Variants in TSHZ1 observed in about 807,000 individuals in gnomAD.
TSHZ1 encodes the protein teashirt zinc finger homeobox 1.
In TSHZ1, 12 loss-of-function variants were observed where a neutral mutation model predicts 67.1. The ratio of observed to expected loss-of-function variants is 0.18; its 90% CI spans 0.11 to 0.29. The LOEUF (loss-of-function observed/expected upper bound fraction) is 0.29. TSHZ1 is among the 10% of genes least tolerant of loss of function. The probability of loss-of-function intolerance (pLI) is 1.00; values close to 1 mark genes in which losing one functional copy is unlikely to be tolerated. For missense variants in TSHZ1, 1,305 were observed against 1,413.9 expected (o/e 0.92, Z 1.23); for synonymous variants, 632 against 622.4 (o/e 1.02, Z -0.23).
At chr18:75,265,905 C>T (rs2023485146) in intron 1 of TSHZ1, among the ~76,000 whole-genome samples, 1 of 152,168 alleles carries the variant, frequency 6.6e-6, no homozygotes, top group Admixed American at 6.5e-5. Flanking sequence ...TAACAATACA[C>T]CGTCTTTTTT....
chr18:75,281,712 C>A lies in TSHZ1; in HGVS notation c.41-3736C>A, dbSNP rs939340262. 6.6e-6 allele frequency among the ~76,000 whole-genome samples: 1 copy of A among 152,068 alleles called. No homozygotes were observed. The highest frequency in any genetic ancestry group is 2.4e-5 in the African/African-American group (1 of 41,402). ...GCAGCTCAGAACGGGGAGCGGGTAG[C>A]GGTCACCGAGGGTCTGGAGACGAGG... On this transcript the variant is annotated intron_variant, in intron 1 of 1. Transcript: ENST00000580243. The surrounding 1 kb of genome is among the most constrained non-coding windows in gnomAD (Gnocchi z 5.3).
intron 1 of TSHZ1, among the ~76,000 whole-genome samples, chr18:75,255,489 G>T (rs1034228092): frequency 6.6e-6 from 1 of 152,004 alleles, no homozygotes; most frequent in African/African-American, 2.4e-5. Context: ...CCCTAACATA[G>T]CTGGGGATAT....
At chr18:75,250,876 A>C (rs1380243555) in intron 1 of TSHZ1, among the ~76,000 whole-genome samples, 1 of 152,170 alleles carries the variant, frequency 6.6e-6, no homozygotes, top group African/African-American at 2.4e-5. Context: ...GCAGTTCTGC[A>C]GCCGACGAAG....
At chr18:75,252,424 T>G (rs1031777510) in intron 1 of TSHZ1, among the ~76,000 whole-genome samples, 1 of 152,256 alleles carries the variant, frequency 6.6e-6, no homozygotes, top group Admixed American at 6.5e-5. Flanking sequence ...TTCTCTGGGT[T>G]ATGGCATTTT....
intron 1 of TSHZ1, among the ~76,000 whole-genome samples, chr18:75,215,018 C>T (rs1167279037): frequency 6.6e-6 from 1 of 152,088 alleles, no homozygotes; most frequent in Non-Finnish European, 1.5e-5. Context: ...CTAATCATGT[C>T]ACCGAGACAA....
intron 1 of TSHZ1, among the ~76,000 whole-genome samples, chr18:75,219,524 A>G (rs975475740): frequency 6.6e-6 from 1 of 152,238 alleles, no homozygotes; most frequent in African/African-American, 2.4e-5. Context: ...GTGGAAGTAA[A>G]GGTTAAATCG....
chr18:75,246,224 G>A (rs1378302998), intron 1 of TSHZ1, among the ~76,000 whole-genome samples: 1 of 152,220 alleles, frequency 6.6e-6, no homozygotes, highest in Non-Finnish European at 1.5e-5. Flanking sequence ...AAATTGGCCA[G>A]ATGCATGCAC....
chr18:75,256,634 T>C (rs2023364629), intron 1 of TSHZ1, among the ~76,000 whole-genome samples: 1 of 152,228 alleles, frequency 6.6e-6, no homozygotes. Context: ...CATATAAACA[T>C]CATTATAGTG....
chr18:75,285,480 G>A lies in TSHZ1; in HGVS notation c.73G>A (p.Glu25Lys). ...TCCTGAGGAAGAATTGAAGGCAGCAGAAATAGATGAAGAGCACGTGGAGGA... is the reference window on the plus strand; with the variant it reads ...TCCTGAGGAAGAATTGAAGGCAGCAAAAATAGATGAAGAGCACGTGGAGGA... ...YVPEEELKAAEIDEEHVEDDG... is the reference protein window; with the variant it reads ...YVPEEELKAAKIDEEHVEDDG... The change falls in exon 2 of 2, where the codon GAA (glutamate) becomes AAA (lysine). Residue 25 changes from glutamate to lysine, a missense_variant. By Grantham distance (56) the Glu-to-Lys change is moderately conservative. Around this residue, in one of 3 missense-constraint regions of TSHZ1, gnomAD observed 358 missense variants for 375.6 expected, o/e 0.95. Transcript: ENST00000580243. The A allele has an allele frequency of 6.6e-7, 1 of 1,507,102 alleles. No individual in the cohort carries two copies. The highest frequency in any genetic ancestry group is 2.2e-5 in the Admixed American group (1 of 44,860). The allele number at this position is 1,507,102 out of a possible 1,614,324, so 93.4% of individuals were successfully genotyped here. A position where few individuals can be genotyped will look rare whatever the true frequency, so the allele number is the denominator to read the frequency against.
At position 75,286,830 on chromosome 18, in the gene TSHZ1, C is replaced by A. The variant is rs1330727903; in HGVS notation, c.1423C>A (p.His475Asn). 6.2e-7 allele frequency: 1 copy of A among 1,614,002 alleles called. No individual in the cohort carries two copies. Among genetic ancestry groups the A allele is most frequent in the Non-Finnish European group, 8.5e-7 (1 of 1,180,022 alleles). ...GTCCATCCCACTACCGCCCACCACC[C>A]ACACGCGGCTGCCGGCCTCCAGCAT... ...IQSIPLPPTT[H>N]TRLPASSIKK... The change falls in exon 2 of 2, where the codon CAC becomes AAC. Residue 475 changes from histidine to asparagine, a missense_variant. Physicochemically the swap from His to Asn is moderately conservative, Grantham distance 68 (BLOSUM62 1). This residue lies in a region of TSHZ1 where 909 missense variants were observed against 961.8 expected (regional missense o/e 0.95). Coordinates refer to ENST00000580243, the MANE Select transcript of TSHZ1 (RefSeq NM_001308210.2). This position sits in a 1 kb window ranked among gnomAD's most constrained non-coding sequence, Gnocchi z 5.1.
At chr18:75,243,956 T>C (rs575280183) in intron 1 of TSHZ1, among the ~76,000 whole-genome samples, 1 of 152,284 alleles carries the variant, frequency 6.6e-6, no homozygotes, top group South Asian at 2.1e-4. Context: ...TCAAACTCCA[T>C]GTAGCTTGGA....
chr18:75,270,714 G>C (rs1323525669), intron 1 of TSHZ1, among the ~76,000 whole-genome samples: 1 of 152,142 alleles, frequency 6.6e-6, no homozygotes, highest in African/African-American at 2.4e-5. Context: ...TGAGTATTTA[G>C]GAACTGTTAG....
rs190160122 is a variant in TSHZ1 at position 75,258,038 on chromosome 18, A to G, written c.41-27410A>G. Among the ~76,000 whole-genome samples the G allele has an allele frequency of 4.3e-4, 65 of 152,236 alleles. 1 individual carries two copies. The highest frequency in any genetic ancestry group is 6.5e-4 in the Admixed American group (10 of 15,294). ...CCGGCCTGTGGAGCAGTGCTCCTGG[A>G]GGCGGCCTCGACCTGCTCCTAGGAC... On this transcript the variant is annotated intron_variant, in intron 1 of 1. Coordinates refer to ENST00000580243, the MANE Select transcript of TSHZ1 (RefSeq NM_001308210.2).
chr18:75,229,644 G>C (rs891879784), intron 1 of TSHZ1, among the ~76,000 whole-genome samples: 1 of 152,252 alleles, frequency 6.6e-6, no homozygotes, highest in Admixed American at 6.5e-5. Context: ...AGGTGAGTGT[G>C]ACAGTCTGTG....
At chr18:75,248,860 C>A (rs1024011335) in intron 1 of TSHZ1, among the ~76,000 whole-genome samples, 1 of 152,174 alleles carries the variant, frequency 6.6e-6, no homozygotes, top group Admixed American at 6.5e-5. Context: ...TGTGGGGGAA[C>A]GGTTAGAAAT....
chr18:75,269,111 G>C (rs1035093031), intron 1 of TSHZ1, among the ~76,000 whole-genome samples: 2 of 152,160 alleles, frequency 1.3e-5, no homozygotes, highest in African/African-American at 4.8e-5. Flanking sequence ...GCTAGAGATT[G>C]ATAAAAGAAG....
chr18:75,275,417 GT>G (rs2023603993), intron 1 of TSHZ1, among the ~76,000 whole-genome samples: 1 of 152,196 alleles, frequency 6.6e-6, no homozygotes, highest in South Asian at 2.1e-4. Context: ...ATTTGGCGAC[GT>G]TTGTTTGTAG....
Position 75,287,639 on chromosome 18 carries a change from C to A in TSHZ1, c.2232C>A (p.Asn744Lys), listed in dbSNP as rs147341569. 6.2e-7 allele frequency: 1 copy of A among 1,614,218 alleles called. No individual in the cohort carries two copies. The highest frequency in any genetic ancestry group is 8.5e-7 in the Non-Finnish European group (1 of 1,180,050). Residue 744 changes from asparagine (N) to lysine (K), a missense_variant, in exon 2 of 2, where the codon AAC becomes AAA. Physicochemically the swap from Asn to Lys is moderately conservative, Grantham distance 94 (BLOSUM62 0). Around this residue, in one of 3 missense-constraint regions of TSHZ1, gnomAD observed 909 missense variants for 961.8 expected, o/e 0.95. Transcript: ENST00000580243. This position sits in a 1 kb window ranked among gnomAD's most constrained non-coding sequence, Gnocchi z 5.0. ...MDHSPEPSFI[N>K]PLSALQSIMN... The stretch of plus-strand genomic sequence containing the variant: ...ACTCACCGGAGCCTTCCTTCATCAA[C>A]CCGCTGAGCGCTTTGCAGTCCATCA...
intron 1 of TSHZ1, among the ~76,000 whole-genome samples, chr18:75,215,384 G>T (rs991580431): frequency 6.6e-6 from 1 of 152,230 alleles, no homozygotes; most frequent in Non-Finnish European, 1.5e-5. Flanking sequence ...AATCACAGGA[G>T]TGTGCCTCTC....
Sources: allele counts gnomAD v4.1 joint callset (sites outside exome capture counted in the v4.1 genomes callset), GRCh38; gene constraint gnomAD v4.1.1; regional missense constraint gnomAD v4.1.1; non-coding constraint Gnocchi (gnomAD v3.1); transcripts MANE v1.5; gene names NCBI Gene and HGNC (gene_info 2026-07-23, HGNC 2026-07-21).